Variants in EIF2AK4 observed in about 807,000 individuals in gnomAD.
EIF2AK4 encodes the protein eIF-2-alpha kinase GCN2.
A neutral mutation model predicts 211.1 loss-of-function variants in EIF2AK4; 139 were observed. That is an observed-to-expected ratio of 0.66 (90% confidence interval 0.57 to 0.76). The LOEUF (loss-of-function observed/expected upper bound fraction) is 0.76. Among genes scored for constraint, EIF2AK4 ranks in the 30% least tolerant of loss-of-function variants. The probability of loss-of-function intolerance (pLI) is 0.00; values close to 1 mark genes in which losing one functional copy is unlikely to be tolerated. For missense variants in EIF2AK4, 1,664 were observed against 2,043.8 expected (o/e 0.81, Z 3.58); for synonymous variants, 710 against 751.3 (o/e 0.94, Z 0.90).
intron 2 of EIF2AK4, among the ~76,000 whole-genome samples, chr15:39,943,079 A>G (rs1595540867): frequency 6.6e-6 from 1 of 152,276 alleles, no homozygotes; most frequent in East Asian, 1.9e-4. Context: ...ATCCAGGTCA[A>G]ATCGTAGGAA....
At chr15:40,011,398 C>A in intron 27 of EIF2AK4, 52 bp downstream of exon 27, 1 of 1,477,588 alleles carries the variant, frequency 6.8e-7, no homozygotes, top group Non-Finnish European at 9.3e-7. Context: ...TTTTGTGATA[C>A]CAGAAAATGT....
At chr15:39,945,824 A>G (rs1439084614) in intron 3 of EIF2AK4, among the ~76,000 whole-genome samples, 1 of 152,190 alleles carries the variant, frequency 6.6e-6, no homozygotes, top group Non-Finnish European at 1.5e-5. Flanking sequence ...AAGTTCCAGG[A>G]CCGTTAAGAA....
At chr15:39,987,005 A>G (rs1207104722) in intron 14 of EIF2AK4, among the ~76,000 whole-genome samples, 1 of 152,174 alleles carries the variant, frequency 6.6e-6, no homozygotes. Context: ...AGAAAAAGGA[A>G]CCCTCGACAA....
At chr15:39,968,893 C>T (rs200800143) in intron 9 of EIF2AK4, among the ~76,000 whole-genome samples, 4 of 86,690 alleles carry the variant, frequency 4.6e-5, no homozygotes, top group Non-Finnish European at 5.6e-5. Flanking sequence ...TATATATATA[C>T]ACACACATAC....
At chr15:39,987,216 G>T (rs2034877951) in intron 14 of EIF2AK4, among the ~76,000 whole-genome samples, 1 of 152,208 alleles carries the variant, frequency 6.6e-6, no homozygotes, top group East Asian at 1.9e-4. Context: ...CACAAAGGAG[G>T]TGCATCCGAC....
At chr15:39,980,157 T>C (rs1209587232) in intron 13 of EIF2AK4, among the ~76,000 whole-genome samples, 1 of 152,234 alleles carries the variant, frequency 6.6e-6, no homozygotes, top group East Asian at 1.9e-4. Context: ...AACGTCAATG[T>C]ACCCTAGAGT....
intron 5 of EIF2AK4, among the ~76,000 whole-genome samples, chr15:39,954,502 C>T (rs971418337): frequency 6.6e-6 from 1 of 152,238 alleles, no homozygotes; most frequent in African/African-American, 2.4e-5. Context: ...GATCCACCCA[C>T]CTTGGCCTCC....
intron 13 of EIF2AK4, among the ~76,000 whole-genome samples, chr15:39,984,854 G>T (rs1458482338): frequency 6.6e-6 from 1 of 152,128 alleles, no homozygotes; most frequent in Non-Finnish European, 1.5e-5. Flanking sequence ...TCTTTCTCTT[G>T]CCTGATTGCC....
chr15:39,967,318 CTTTT>C, intron 8 of EIF2AK4, 22 bp from the exon 9 acceptor site: 5 of 1,377,504 alleles, frequency 3.6e-6, no homozygotes, highest in Non-Finnish European at 3.9e-6. Context: ...GCCCAATATT[CTTTT>C]TTTTTTTTTT....
Position 40,032,592 on chromosome 15 carries a change from C to T in EIF2AK4, c.4729-165C>T, listed in dbSNP as rs114740139. On this transcript the variant is annotated intron_variant, in intron 36 of 38. Coordinates refer to ENST00000263791, the MANE Select transcript of EIF2AK4 (RefSeq NM_001013703.4). ...CAGTTTCCACTGCTTATTAATTCTC[C>T]AGGGCTAAGATCTTATCACTGCACA... 2.3e-3 allele frequency among the ~76,000 whole-genome samples: 353 copies of T among 152,282 alleles called. 1 individual carries two copies. Among genetic ancestry groups the T allele is most frequent in the African/African-American group, 8.2e-3 (340 of 41,538 alleles).
chr15:40,003,782 A>G (rs1337594599), intron 23 of EIF2AK4, among the ~76,000 whole-genome samples: 2 of 152,214 alleles, frequency 1.3e-5, no homozygotes, highest in Non-Finnish European at 2.9e-5. Flanking sequence ...TCCGACCCCC[A>G]GGGATCCTGT....
rs766520007 is a variant in EIF2AK4 at position 39,998,810 on chromosome 15, A to G, written c.2922+26A>G. On this transcript the variant is annotated intron_variant, in intron 20 of 38. Transcript: ENST00000263791. ...GTAATTTTCTGATGCGTCAATTACTATGTCTTCAGTCTTGCATTTTAATTA... is the reference window on the plus strand; with the variant it reads ...GTAATTTTCTGATGCGTCAATTACTGTGTCTTCAGTCTTGCATTTTAATTA... 4.4e-6 allele frequency: 7 copies of G among 1,577,936 alleles called. No homozygotes were observed. In the Admixed American group the frequency reaches 6.8e-5, roughly 15 times the overall value.
chr15:39,995,004 G>A (rs1160885043), intron 18 of EIF2AK4, among the ~76,000 whole-genome samples: 1 of 152,050 alleles, frequency 6.6e-6, no homozygotes, highest in Admixed American at 6.5e-5. Context: ...ACCATGCCTG[G>A]CTAATTTTTG....
At chr15:40,007,913 A>T in intron 24 of EIF2AK4, 114 bp from the exon 25 acceptor site, 1 of 809,998 alleles carries the variant, frequency 1.2e-6, no homozygotes, top group South Asian at 2.5e-5. Flanking sequence ...CCTCTTGATC[A>T]TACCACCGAT....
At chr15:40,017,407 A>G (rs954864179) in intron 29 of EIF2AK4, among the ~76,000 whole-genome samples, 165 bp downstream of exon 29, 1 of 150,526 alleles carries the variant, frequency 6.6e-6, no homozygotes, top group African/African-American at 2.5e-5. Flanking sequence ...TGTGAACCAC[A>G]TTTGTAGTTG....
rs1465423077 is a variant in EIF2AK4, at chr15:40,031,828, C to T, written c.4660-341C>T. On this transcript the variant is annotated intron_variant, in intron 35 of 38. Coordinates refer to ENST00000263791, the MANE Select transcript of EIF2AK4 (RefSeq NM_001013703.4). The stretch of plus-strand genomic sequence containing the variant: ...ACAACCTCTGCCTCCCATGTTCAAG[C>T]GATTCTCCTGCCTCAGCCTCCCGAA... Among the ~76,000 whole-genome samples the T allele has an allele frequency of 3.3e-5, 5 of 152,064 alleles. No individual in the cohort carries two copies. The East Asian group carries it at 5.8e-4, about 18-fold the overall frequency.
chr15:39,973,846 A>T (rs2034657645), intron 11 of EIF2AK4, 97 bp downstream of exon 11: 1 of 1,415,274 alleles, frequency 7.1e-7, no homozygotes, highest in East Asian at 2.3e-5. Context: ...GGGAGTGGGG[A>T]GGGAAGTGAA....
chr15:40,011,132 T>C, intron 26 of EIF2AK4, 149 bp from the exon 27 acceptor site: 4 of 531,862 alleles, frequency 7.5e-6, no homozygotes, highest in Non-Finnish European at 1.3e-5. Flanking sequence ...GAGAAAAAAT[T>C]TTTTAATCAC....
rs771890860 is a variant in EIF2AK4, at chr15:40,022,560, C to A, written c.4344C>A (p.Ile1448=). ...ELQEYCRHHE[I]TYVALVSDKE... The stretch of plus-strand genomic sequence containing the variant: ...AAGAGTACTGCAGACATCATGAAAT[C>A]ACCTATGTGGCCCTTGTCTCGGATA... The change falls in exon 32 of 39, where the codon ATC becomes ATA. Residue 1448 remains isoleucine, a synonymous_variant. Transcript: ENST00000263791. 1 of 1,614,064 alleles carries A rather than the reference C, an allele frequency of 6.2e-7. No homozygotes were observed. The highest frequency in any genetic ancestry group is 8.5e-7 in the Non-Finnish European group (1 of 1,180,024).
Sources: gnomAD v4.1 joint callset for allele counts (sites outside exome capture counted in the v4.1 genomes callset) on GRCh38, gnomAD v4.1.1 for gene constraint, MANE v1.5 for transcripts, NCBI Gene and HGNC (gene_info 2026-07-23, HGNC 2026-07-21) for gene names.